DYNC2H1: variants seen among roughly 807,000 people sequenced by gnomAD.
DYNC2H1 encodes cytoplasmic dynein 2 heavy chain 1.
In DYNC2H1, 410 loss-of-function variants were observed where a neutral mutation model predicts 570.0. The ratio of observed to expected loss-of-function variants is 0.72; its 90% CI spans 0.66 to 0.78. The LOEUF is 0.78. Among genes scored for constraint, DYNC2H1 ranks in the 30% least tolerant of loss-of-function variants. The pLI, the probability that DYNC2H1 is intolerant of heterozygous loss-of-function variation, is 0.00. For missense variants in DYNC2H1, 4,865 were observed against 5,046.4 expected, an observed-to-expected ratio of 0.96 and a Z score of 1.09; for synonymous variants, 1,688 against 1,677.6, an observed-to-expected ratio of 1.01 and a Z score of -0.15.
rs1286566135 is a variant in DYNC2H1, at chr11:103,239,406, A to G, written c.9819+2867A>G. ...AATAATCAATACTTGCGTATTACTT[A>G]CCATGTTGTGCATATATTACTGTTT... On this transcript the variant is annotated intron_variant, in intron 63 of 88. Transcript: ENST00000375735. The surrounding 1 kb of genome is among the most constrained non-coding windows in gnomAD (Gnocchi z 4.3). Among the ~76,000 whole-genome samples the G allele has an allele frequency of 1.3e-5, 2 of 152,218 alleles. No homozygotes were observed. The highest frequency in any genetic ancestry group is 2.9e-5 in the Non-Finnish European group (2 of 68,046).
chr11:103,264,897 G>A lies in DYNC2H1; in HGVS notation c.10695+4920G>A, dbSNP rs376887828. 6.6e-6 allele frequency among the ~76,000 whole-genome samples: 1 copy of A among 151,936 alleles called. No homozygotes were observed. The highest frequency in any genetic ancestry group is 1.5e-5 in the Non-Finnish European group (1 of 68,016). On this transcript the variant is annotated intron_variant, in intron 70 of 88. Transcript: ENST00000375735. The surrounding 1 kb of genome is among the most constrained non-coding windows in gnomAD (Gnocchi z 4.8). ...AAAGTGGCAAGAGAAAGAAATAAAGGGTATTCAGATAGGAAGAGAGAAAGT... is the reference window on the plus strand; with the variant it reads ...AAAGTGGCAAGAGAAAGAAATAAAGAGTATTCAGATAGGAAGAGAGAAAGT...
At chr11:103,126,047 T>G (rs1858979858) in intron 12 of DYNC2H1, among the ~76,000 whole-genome samples, 1 of 152,218 alleles carries the variant, frequency 6.6e-6, no homozygotes, top group African/African-American at 2.4e-5. Context: ...TGTGTCTTGA[T>G]TTTTTTCGTT....
chr11:103,306,035 C>T (rs1047123668), intron 77 of DYNC2H1, among the ~76,000 whole-genome samples: 5 of 152,096 alleles, frequency 3.3e-5, no homozygotes, highest in African/African-American at 1.2e-4. Flanking sequence ...CCTCAGCCTC[C>T]CAAGTAGCTG....
chr11:103,467,090 G>C (rs1354338486), intron 87 of DYNC2H1, among the ~76,000 whole-genome samples: 1 of 152,098 alleles, frequency 6.6e-6, no homozygotes, highest in East Asian at 1.9e-4. Flanking sequence ...TGAAGGAAAA[G>C]AGTAGGTTGC....
chr11:103,316,662 T>C, intron 80 of DYNC2H1, 42 bp downstream of exon 80: 1 of 1,375,192 alleles, frequency 7.3e-7, no homozygotes. Flanking sequence ...TAATAAAATA[T>C]TTTATCTGAG....
At chr11:103,463,434 C>A (rs1945088817) in intron 87 of DYNC2H1, among the ~76,000 whole-genome samples, 1 of 152,120 alleles carries the variant, frequency 6.6e-6, no homozygotes, top group Non-Finnish European at 1.5e-5. Flanking sequence ...CTCTCCATCT[C>A]CCCAATAAAA....
At chr11:103,386,630 C>T (rs906602865) in intron 83 of DYNC2H1, among the ~76,000 whole-genome samples, 2 of 152,066 alleles carry the variant, frequency 1.3e-5, no homozygotes, top group South Asian at 4.1e-4. Context: ...AGATATATCT[C>T]CTAATGCTAT....
At chr11:103,121,930 G>A (rs1170208869) in intron 10 of DYNC2H1, among the ~76,000 whole-genome samples, 3 of 151,834 alleles carry the variant, frequency 2.0e-5, no homozygotes, top group Admixed American at 6.6e-5. Context: ...CATGGTGGAC[G>A]ACAGAAAGAG....
Position 103,113,716 on chromosome 11 carries a change from A to G in DYNC2H1, c.366+9A>G. 1 of 1,494,666 alleles carries G rather than the reference A, an allele frequency of 6.7e-7. No individual in the cohort carries two copies. The highest frequency in any genetic ancestry group is 8.9e-7 in the Non-Finnish European group (1 of 1,129,394). The allele number at this position is 1,494,666 out of a possible 1,614,324, so 92.6% of individuals were successfully genotyped here. A position where few individuals can be genotyped will look rare whatever the true frequency, so the allele number is the denominator to read the frequency against. On this transcript the variant is annotated intron_variant, in intron 2 of 88. Coordinates refer to ENST00000375735, the MANE Select transcript of DYNC2H1 (RefSeq NM_001377.3). ...CACCAATGTTGTTAAAGGTGAGAAAAGAAGCTGTCATTTTTTTTAACTGAG... is the reference window on the plus strand; with the variant it reads ...CACCAATGTTGTTAAAGGTGAGAAAGGAAGCTGTCATTTTTTTTAACTGAG...
chr11:103,316,474 G>C, intron 79 of DYNC2H1, 71 bp from the exon 80 acceptor site: 2 of 1,014,662 alleles, frequency 2.0e-6, no homozygotes, highest in East Asian at 5.9e-5. Flanking sequence ...TTAATTTAAA[G>C]ACAGTGATAC....
intron 17 of DYNC2H1, among the ~76,000 whole-genome samples, chr11:103,138,593 T>A (rs1389211011): frequency 6.6e-6 from 1 of 152,230 alleles, no homozygotes; most frequent in African/African-American, 2.4e-5. Context: ...AGCTTTTTGA[T>A]GTGCTCCTGG....
chr11:103,264,395 A>C lies in DYNC2H1; in HGVS notation c.10695+4418A>C, dbSNP rs1172784110. Among the ~76,000 whole-genome samples the C allele has an allele frequency of 6.6e-6, 1 of 152,182 alleles. No homozygotes were observed. The highest frequency in any genetic ancestry group is 1.5e-5 in the Non-Finnish European group (1 of 68,024). ...CATGATACCACAACGTGGCAGAAAC[A>C]CAACAAAAAAAGAAAATTTCAGGCC... On this transcript the variant is annotated intron_variant, in intron 70 of 88. Transcript: ENST00000375735. The surrounding 1 kb of genome is among the most constrained non-coding windows in gnomAD (Gnocchi z 4.8).
At position 103,358,134 on chromosome 11, in the gene DYNC2H1, T is replaced by C. The variant is rs1426658617; in HGVS notation, c.12040-109T>C. 1.4e-5 allele frequency: 8 copies of C among 589,282 alleles called. No individual in the cohort carries two copies. The East Asian group carries it at 2.3e-4, about 17-fold the overall frequency. The allele number at this position is 589,282 out of a possible 1,614,324, so 36.5% of individuals were successfully genotyped here. On this transcript the variant is annotated intron_variant, in intron 82 of 88. Transcript: ENST00000375735. The stretch of plus-strand genomic sequence containing the variant: ...AGATTATAAACTGTTGACAACATTT[T>C]TGGTCTCTATTTTTATAAAACAAAA...
chr11:103,180,705 T>C (rs1861815882), intron 39 of DYNC2H1, among the ~76,000 whole-genome samples: 1 of 151,660 alleles, frequency 6.6e-6, no homozygotes, highest in South Asian at 2.1e-4. Flanking sequence ...GGACAACTGG[T>C]ATGAAGCAGT....
At chr11:103,321,859 T>C (rs1224330119) in intron 81 of DYNC2H1, among the ~76,000 whole-genome samples, 3 of 152,126 alleles carry the variant, frequency 2.0e-5, no homozygotes, top group African/African-American at 7.2e-5. Context: ...TGTATAAGTG[T>C]GCAAATAATT....
chr11:103,385,864 C>T (rs1409939619), intron 83 of DYNC2H1, among the ~76,000 whole-genome samples: 1 of 152,294 alleles, frequency 6.6e-6, no homozygotes, highest in South Asian at 2.1e-4. Flanking sequence ...CCCCTTGTAC[C>T]TAGCCAATGG....
chr11:103,111,435 A>C (rs1858106962), intron 1 of DYNC2H1, among the ~76,000 whole-genome samples: 1 of 152,236 alleles, frequency 6.6e-6, no homozygotes, highest in Non-Finnish European at 1.5e-5. Context: ...GTAAGGGACA[A>C]AATTTACAAC....
intron 40 of DYNC2H1, among the ~76,000 whole-genome samples, chr11:103,182,910 A>T (rs1240814447): frequency 1.3e-5 from 2 of 151,806 alleles, no homozygotes; most frequent in Non-Finnish European, 2.9e-5. Flanking sequence ...TGAAAAATGG[A>T]GGAATAGGGA....
rs867798254 is a variant in DYNC2H1 at position 103,121,377 on chromosome 11, C to T, written c.1366C>T (p.Arg456Ter). The T allele has an allele frequency of 3.8e-6, 6 of 1,597,764 alleles. No individual in the cohort carries two copies. The highest frequency in any genetic ancestry group is 2.2e-5 in the East Asian group (1 of 44,634). Reference sequence around the variant, plus strand: ...ATTTGATTTAAATTTTATAGATTTTCGATTAGACTTTGAGAATCGGTGCCG... The same window carrying T: ...ATTTGATTTAAATTTTATAGATTTTTGATTAGACTTTGAGAATCGGTGCCG... ...ARLVDSIKDF[R>*]LDFENRCRGI... The change falls in exon 10 of 89, where the codon CGA becomes TGA. Residue 456 changes from arginine to a stop codon, truncating the protein, a stop_gained. Coordinates refer to ENST00000375735, the MANE Select transcript of DYNC2H1 (RefSeq NM_001377.3). LOFTEE classifies it high-confidence loss of function.
Sources: allele counts gnomAD v4.1 joint callset (sites outside exome capture counted in the v4.1 genomes callset), GRCh38; gene constraint gnomAD v4.1.1; non-coding constraint Gnocchi (gnomAD v3.1); transcripts MANE v1.5; gene names NCBI Gene and HGNC (gene_info 2026-07-23, HGNC 2026-07-21).